The following CAPN2 variants were observed in gnomAD, a reference collection of about 807,000 sequenced individuals.
CAPN2 encodes the protein calpain 2.
Under a neutral mutation model 102.3 loss-of-function variants are expected in CAPN2, and 92 were observed. The observed-to-expected ratio is 0.90, with a 90% CI of 0.76 to 1.07. The LOEUF (loss-of-function observed/expected upper bound fraction) is 1.07. CAPN2 is among the 50% of genes least tolerant of loss of function. The pLI is 0.00. For synonymous variants in CAPN2, 340 were observed against 355.4 expected (o/e 0.96, Z 0.49); for missense variants, 800 against 909.4 (o/e 0.88, Z 1.55).
At position 223,775,566 on chromosome 1, in the gene CAPN2, G is replaced by C. The variant is rs1661597813; in HGVS notation, c.*709G>C. 1 of 152,578 alleles carries C rather than the reference G, an allele frequency of 6.6e-6. No individual in the cohort carries two copies. Among genetic ancestry groups the C allele is most frequent in the Admixed American group, 6.5e-5 (1 of 15,284 alleles). 9.5% of individuals were successfully genotyped at this position (152,578 alleles called of 1,614,324 possible). On this transcript the variant is annotated 3_prime_UTR_variant, in exon 21 of 21. Transcript: ENST00000295006. ...ATCCTGCGCTTGATCAACTGAACCAGTATGCCAAAACCAGGCATCCAATTT... is the reference window on the plus strand; with the variant it reads ...ATCCTGCGCTTGATCAACTGAACCACTATGCCAAAACCAGGCATCCAATTT...
intron 7 of CAPN2, 24 bp downstream of exon 7, chr1:223,750,999 G>T: frequency 6.5e-7 from 1 of 1,541,400 alleles, no homozygotes; most frequent in Non-Finnish European, 8.8e-7. Context: ...AGGCCTCGGG[G>T]CCCCAGGCGG....
At chr1:223,757,183 C>T (rs1361519539) in intron 10 of CAPN2, among the ~76,000 whole-genome samples, 186 bp from the exon 11 acceptor site, 1 of 152,192 alleles carries the variant, frequency 6.6e-6, no homozygotes, top group East Asian at 1.9e-4. Flanking sequence ...GAGGGCTTAT[C>T]AACATAAGAG....
chr1:223,749,136 C>T lies in CAPN2; in HGVS notation c.813+14C>T, dbSNP rs1277761143. 2.5e-6 allele frequency: 4 copies of T among 1,611,694 alleles called. No individual in the cohort carries two copies. The highest frequency in any genetic ancestry group is 1.7e-4 in the Middle Eastern group (1 of 6,044). On this transcript the variant is annotated intron_variant, in intron 6 of 20. Coordinates refer to ENST00000295006, the MANE Select transcript of CAPN2 (RefSeq NM_001748.5). ...GGAGCCGAGGAGGTAACGGCCGGCGCGGATGTGCAGGGGTCCTGCTGTCCT... is the reference window on the plus strand; with the variant it reads ...GGAGCCGAGGAGGTAACGGCCGGCGTGGATGTGCAGGGGTCCTGCTGTCCT...
At chr1:223,753,902 C>T (rs748642431) in intron 9 of CAPN2, among the ~76,000 whole-genome samples, 1 of 152,096 alleles carries the variant, frequency 6.6e-6, no homozygotes, top group Non-Finnish European at 1.5e-5. Context: ...ATTCCAAAAT[C>T]CAAAAAAATC....
intron 15 of CAPN2, 96 bp downstream of exon 15, chr1:223,764,303 G>A: frequency 9.7e-7 from 1 of 1,034,796 alleles, no homozygotes; most frequent in Non-Finnish European, 1.5e-6. Flanking sequence ...TGGCTGCTGT[G>A]ACTAAACCAC....
chr1:223,764,288 A>G, intron 15 of CAPN2, 81 bp downstream of exon 15: 22 of 1,232,460 alleles, frequency 1.8e-5, no homozygotes, highest in Non-Finnish European at 2.5e-5. Context: ...TTCCCCCTCC[A>G]TGTCTGGCTG....
At chr1:223,749,771 T>C (rs12239402) in intron 6 of CAPN2, among the ~76,000 whole-genome samples, 4,305 of 152,222 alleles carry the variant, frequency 0.028, 204 homozygotes, top group African/African-American at 0.099. Flanking sequence ...TCCCAACACT[T>C]TGGGAGACCG....
chr1:223,774,405 T>C (rs1285066796), intron 20 of CAPN2, among the ~76,000 whole-genome samples: 1 of 152,220 alleles, frequency 6.6e-6, no homozygotes, highest in African/African-American at 2.4e-5. Context: ...GCCAAAGTGC[T>C]GGTGTCCTGT....
At chr1:223,730,010 CAAAAAAAAA>C (rs57382658) in intron 2 of CAPN2, among the ~76,000 whole-genome samples, 4 of 79,052 alleles carry the variant, frequency 5.1e-5, no homozygotes, top group South Asian at 6.1e-4. Context: ...CCCAAAAAAC[CAAAAAAAAA>C]AAAAAAAAAA....
At chr1:223,752,424 G>C (rs1345601239) in intron 8 of CAPN2, among the ~76,000 whole-genome samples, 1 of 152,206 alleles carries the variant, frequency 6.6e-6, no homozygotes, top group African/African-American at 2.4e-5. Flanking sequence ...TGGTCCCTTA[G>C]TGAGCAGCAA....
At chr1:223,733,430 AC>A (rs1465320259) in intron 2 of CAPN2, among the ~76,000 whole-genome samples, 22 of 152,308 alleles carry the variant, frequency 1.4e-4, no homozygotes, top group Middle Eastern at 3.4e-3. Flanking sequence ...GCTGGGGAGC[AC>A]AGCTCTGGAA....
At chr1:223,705,883 T>A (rs1397693583) in intron 1 of CAPN2, among the ~76,000 whole-genome samples, 1 of 152,242 alleles carries the variant, frequency 6.6e-6, no homozygotes, top group African/African-American at 2.4e-5. Flanking sequence ...TTGATGCTTA[T>A]AACAACCGTG....
At chr1:223,711,713 C>T (rs1483562425), upstream of CAPN2, among the ~76,000 whole-genome samples, 4 of 152,172 alleles carry the variant, frequency 2.6e-5, no homozygotes, top group Admixed American at 2.6e-4. Flanking sequence ...TGGGTTCAAG[C>T]GTTTCTCCTG....
rs11588475 is a variant in CAPN2 at position 223,725,204 on chromosome 1, C to T, written c.307+7373C>T. On this transcript the variant is annotated intron_variant, in intron 2 of 20. Coordinates refer to ENST00000295006, the MANE Select transcript of CAPN2 (RefSeq NM_001748.5). This position sits in a 1 kb window ranked among gnomAD's most constrained non-coding sequence, Gnocchi z 4.1. ...TGGCTAACACGGTGAAAACCCATCTCTACAAAACTACAATATGAAATACAA... is the reference window on the plus strand; with the variant it reads ...TGGCTAACACGGTGAAAACCCATCTTTACAAAACTACAATATGAAATACAA... Among the ~76,000 whole-genome samples, 14,212 of 152,066 alleles carry T rather than the reference C, an allele frequency of 0.093. 984 individuals carry two copies. The highest frequency in any genetic ancestry group is 0.18 in the African/African-American group (7,635 of 41,430).
Position 223,743,820 on chromosome 1 carries a change from A to C in CAPN2, c.308-280A>C, listed in dbSNP as rs151160044. The stretch of plus-strand genomic sequence containing the variant: ...GAGTTCTGGGTCTTTCAGGGAATGA[A>C]ATTTCCCATCTCTGCCCAACCACAA... On this transcript the variant is annotated intron_variant, in intron 2 of 20. Transcript: ENST00000295006. 3.7e-4 allele frequency among the ~76,000 whole-genome samples: 57 copies of C among 152,268 alleles called. 1 individual carries two copies. The highest frequency in any genetic ancestry group is 1.3e-3 in the African/African-American group (53 of 41,566).
At chr1:223,742,216 C>A (rs1264961856) in intron 2 of CAPN2, among the ~76,000 whole-genome samples, 1 of 151,966 alleles carries the variant, frequency 6.6e-6, no homozygotes, top group Non-Finnish European at 1.5e-5. Context: ...CATGGGGAAA[C>A]CCTGTCTCTA....
At chr1:223,737,722 A>AG (rs1660500551) in intron 2 of CAPN2, among the ~76,000 whole-genome samples, 2 of 2,556 alleles carry the variant, frequency 7.8e-4, no homozygotes, top group Admixed American at 9.8e-3. Context: ...GGTGGGGGGG[A>AG]GAGAATACAA....
chr1:223,757,411 G>C lies in CAPN2; in HGVS notation c.1317+31G>C, dbSNP rs778349183. ...TCTGGCCCATGTCCCGGGGTGCTCA[G>C]GTCACCAAAAAAGCGAGAGGCTTAG... On this transcript the variant is annotated intron_variant, in intron 11 of 20. Transcript: ENST00000295006. The C allele has an allele frequency of 1.9e-6, 3 of 1,613,778 alleles. No homozygotes were observed. In the East Asian group the frequency reaches 6.7e-5, roughly 36 times the overall value.
intron 2 of CAPN2, among the ~76,000 whole-genome samples, chr1:223,723,860 A>G (rs1028134521): frequency 1.3e-5 from 2 of 151,354 alleles, no homozygotes; most frequent in Admixed American, 1.3e-4. Context: ...CCCTTCAAGA[A>G]TCCCCCATTT....
Sources: gnomAD v4.1 joint callset for allele counts (sites outside exome capture counted in the v4.1 genomes callset) on GRCh38, gnomAD v4.1.1 for gene constraint, Gnocchi (gnomAD v3.1) non-coding constraint, MANE v1.5 for transcripts, NCBI Gene and HGNC (gene_info 2026-07-23, HGNC 2026-07-21) for gene names.